The following BTG3 variants were observed in gnomAD, a reference collection of about 807,000 sequenced individuals.
BTG3 encodes BTG anti-proliferation factor 3, also known as protein BTG3.
Under a neutral mutation model 25.8 loss-of-function variants are expected in BTG3, and 4 were observed. The ratio of observed to expected loss-of-function variants is 0.16; its 90% CI spans 0.08 to 0.36. The LOEUF (loss-of-function observed/expected upper bound fraction) is 0.36. BTG3 is among the 10% of genes least tolerant of loss of function. The pLI, the probability that BTG3 is intolerant of heterozygous loss-of-function variation, is 1.00. For synonymous variants in BTG3, 107 were observed against 99.9 expected, an observed-to-expected ratio of 1.07 and a Z score of -0.42; for missense variants, 201 against 304.9, an observed-to-expected ratio of 0.66 and a Z score of 2.54.
At chr21:17,597,802 A>T (rs1569175023) in intron 4 of BTG3, among the ~76,000 whole-genome samples, 1 of 152,170 alleles carries the variant, frequency 6.6e-6, no homozygotes, top group South Asian at 2.1e-4. Flanking sequence ...TGAATTTAAA[A>T]GTTTAGTTTA....
At chr21:17,612,358 G>A (rs190686998) in intron 1 of BTG3, 4 of 152,326 alleles carry the variant, frequency 2.6e-5, no homozygotes, top group Non-Finnish European at 5.9e-5. Context: ...CGACGCGAAG[G>A]GGGTGGACAG....
chr21:17,605,263 A>G (rs183711011), intron 2 of BTG3: 11 of 273,572 alleles, frequency 4.0e-5, no homozygotes, highest in Admixed American at 3.0e-4. Context: ...TTGACCACCC[A>G]TGTACATTAA....
At chr21:17,601,832 T>C (rs2061577983) in intron 3 of BTG3, among the ~76,000 whole-genome samples, 1 of 152,228 alleles carries the variant, frequency 6.6e-6, no homozygotes, top group Non-Finnish European at 1.5e-5. Flanking sequence ...AACAGAAACC[T>C]CAACCAAGGG....
chr21:17,609,261 T>G, intron 1 of BTG3, 109 bp from the exon 2 acceptor site: 1 of 1,045,468 alleles, frequency 9.6e-7, no homozygotes, highest in Non-Finnish European at 1.4e-6. Context: ...CCTTCCAATT[T>G]TATCTTGTAT....
rs151224976 is a variant in BTG3 at position 17,608,989 on chromosome 21, C to T, written c.156G>A (p.Ser52=). 1.4e-5 allele frequency: 22 copies of T among 1,613,156 alleles called. No individual in the cohort carries two copies. Among genetic ancestry groups the T allele is most frequent in the South Asian group, 3.3e-5 (3 of 90,832 alleles). ...YKNHWYPEKP[S]KGQAYRCIRV... ...TCCTTTACCTGTAGGCCTGTCCTTT[C>T]GATGGTTTTTCTGGATACCAGTGAT... is the stretch of plus-strand genomic sequence containing the variant. The change falls in exon 2 of 5, where the codon TCG becomes TCA. Residue 52 remains serine (S), a synonymous_variant. Transcript: ENST00000348354.
chr21:17,606,767 T>G (rs2061648542), intron 2 of BTG3, among the ~76,000 whole-genome samples: 1 of 152,188 alleles, frequency 6.6e-6, no homozygotes, highest in South Asian at 2.1e-4. Flanking sequence ...ATTCTATCAT[T>G]TACTTAATGT....
intron 3 of BTG3, among the ~76,000 whole-genome samples, chr21:17,599,841 T>C (rs1251449270): frequency 1.3e-5 from 2 of 152,174 alleles, no homozygotes; most frequent in Non-Finnish European, 2.9e-5. Flanking sequence ...CAACTAGAAA[T>C]TTCCTATAAA....
At chr21:17,594,873 C>A (rs184853650) in intron 4 of BTG3, among the ~76,000 whole-genome samples, 19 of 151,878 alleles carry the variant, frequency 1.3e-4, no homozygotes, top group African/African-American at 4.6e-4. Context: ...GGAAAAGGAG[C>A]AGAAAAGATA....
chr21:17,599,475 A>ATT (rs11447568), intron 3 of BTG3, among the ~76,000 whole-genome samples: 1,823 of 117,198 alleles, frequency 0.016, 95 homozygotes, highest in African/African-American at 0.05. Flanking sequence ...CCACTGGCTG[A>ATT]TTTTTTTTTT....
intron 3 of BTG3, chr21:17,599,125 GATTAC>G (rs1440017053): frequency 1.1e-5 from 3 of 277,994 alleles, no homozygotes; most frequent in Non-Finnish European, 2.0e-5. Flanking sequence ...CCATTGTTTT[GATTAC>G]ATTTTTGTAT....
chr21:17,596,977 G>A (rs541709561), intron 4 of BTG3, among the ~76,000 whole-genome samples: 2 of 152,162 alleles, frequency 1.3e-5, no homozygotes, highest in African/African-American at 4.8e-5. Context: ...TTTAAAGCTT[G>A]TGGCAATGCC....
chr21:17,611,435 G>A (rs1279984081), intron 1 of BTG3, among the ~76,000 whole-genome samples: 1 of 152,188 alleles, frequency 6.6e-6, no homozygotes, highest in Non-Finnish European at 1.5e-5. Context: ...CCACTTAGTG[G>A]TTGCTTTTGG....
intron 4 of BTG3, among the ~76,000 whole-genome samples, chr21:17,598,017 A>G (rs1569175263): frequency 6.6e-6 from 1 of 152,198 alleles, no homozygotes; most frequent in Non-Finnish European, 1.5e-5. Flanking sequence ...TGACTTTAAA[A>G]TATCTTTCCT....
At chr21:17,605,943 G>A (rs1233247227) in intron 2 of BTG3, among the ~76,000 whole-genome samples, 1 of 152,066 alleles carries the variant, frequency 6.6e-6, no homozygotes, top group Admixed American at 6.6e-5. Context: ...GTTAATTGAT[G>A]AATAGTAATT....
intron 2 of BTG3, chr21:17,605,205 G>A: frequency 9.9e-6 from 5 of 505,504 alleles, no homozygotes; most frequent in Non-Finnish European, 1.7e-5. Flanking sequence ...ACCTATGTGA[G>A]CCCAAGGAAA....
rs148952591 is a variant in BTG3, at chr21:17,604,028, G to A, written c.311+832C>T. ...CACAAATAATGGTTTTTGAGCAAGT[G>A]GAGTTCAAAAAGATTTCATACCTAG... On this transcript the variant is annotated intron_variant, in intron 3 of 4. Transcript: ENST00000348354. The A allele has an allele frequency of 3.2e-5, 26 of 805,600 alleles. No individual in the cohort carries two copies. The East Asian group carries it at 3.0e-3, about 92-fold the overall frequency. The allele number at this position is 805,600 out of a possible 1,614,324, so 49.9% of individuals were successfully genotyped here. A position where few individuals can be genotyped will look rare whatever the true frequency, so the allele number is the denominator to read the frequency against.
At chr21:17,605,220 T>C in intron 2 of BTG3, 1 of 431,566 alleles carries the variant, frequency 2.3e-6, no homozygotes, top group South Asian at 3.7e-5. Flanking sequence ...AGGAAATCAC[T>C]AGTACTGGGT....
chr21:17,608,118 A>C (rs1030257928), intron 2 of BTG3, among the ~76,000 whole-genome samples: 4 of 152,174 alleles, frequency 2.6e-5, no homozygotes, highest in Non-Finnish European at 5.9e-5. Flanking sequence ...TGTAATCCTC[A>C]CATTCTGGGA....
intron 4 of BTG3, among the ~76,000 whole-genome samples, chr21:17,595,867 C>T (rs1022625468): frequency 3.9e-5 from 6 of 151,950 alleles, no homozygotes; most frequent in Admixed American, 6.6e-5. Flanking sequence ...TTCCAGTTTT[C>T]CAAAGTAGTG....
Sources: allele counts gnomAD v4.1 joint callset (sites outside exome capture counted in the v4.1 genomes callset), GRCh38; gene constraint gnomAD v4.1.1; transcripts MANE v1.5; gene names NCBI Gene and HGNC (gene_info 2026-07-23, HGNC 2026-07-21).